TESMIN: variants seen among roughly 807,000 people sequenced by gnomAD.
The protein encoded by TESMIN is testis expressed metallothionein like protein.
In TESMIN, 34 loss-of-function variants were observed where a neutral mutation model predicts 47.4. That is an observed-to-expected ratio of 0.72 (90% CI 0.55 to 0.96). The LOEUF is 0.96. Ranked by LOEUF, TESMIN falls within the 40% of genes least tolerant of loss-of-function variation. The probability of loss-of-function intolerance (pLI) is 0.00; values close to 1 mark genes in which losing one functional copy is unlikely to be tolerated. For synonymous variants in TESMIN, 278 were observed against 258.9 expected, an observed-to-expected ratio of 1.07 and a Z score of -0.71; for missense variants, 610 against 637.2, an observed-to-expected ratio of 0.96 and a Z score of 0.46.
chr11:68,718,455 G>A (rs7119030), intron 6 of TESMIN, among the ~76,000 whole-genome samples: 3 of 152,162 alleles, frequency 2.0e-5, no homozygotes, highest in African/African-American at 7.2e-5. Flanking sequence ...GACCTAGAAG[G>A]TATGAAAACT....
rs1462087715 is a variant in TESMIN, at chr11:68,750,297, C to A, written c.364G>T (p.Val122Leu). ...GGTAGCAGCGAGGACAGGAAGTGCA[C>A]GTTGCAGGCGGGCGGCTGCGGGGCC... ...LQAPQPPACN[V>L]HFLSSLLPAH... is the part of the protein sequence containing the mutation. The change falls in exon 2 of 10, where the codon GTG becomes TTG. Residue 122 changes from valine to leucine, a missense_variant. Physicochemically the swap from Val to Leu is conservative, Grantham distance 32. Coordinates refer to ENST00000255087, the MANE Select transcript of TESMIN (RefSeq NM_004923.3). 1 of 1,542,940 alleles carries A rather than the reference C, an allele frequency of 6.5e-7. No individual in the cohort carries two copies. Among genetic ancestry groups the A allele is most frequent in the East Asian group, 2.4e-5 (1 of 41,806 alleles).
chr11:68,717,498 T>G (rs1281551252), intron 6 of TESMIN, among the ~76,000 whole-genome samples: 1 of 152,114 alleles, frequency 6.6e-6, no homozygotes, highest in Non-Finnish European at 1.5e-5. Context: ...AGGGGAACTA[T>G]AGAGGTCTCT....
rs745368206 is a variant in TESMIN at position 68,750,663 on chromosome 11, C to A, written c.-3G>T. 4.6e-6 allele frequency: 7 copies of A among 1,511,702 alleles called. No homozygotes were observed. In the South Asian group the frequency reaches 8.8e-5, roughly 19 times the overall value. 93.6% of individuals were successfully genotyped at this position (1,511,702 alleles called of 1,614,324 possible). ...CCCGGCAGAGGGCCCTCCTCCATGG[C>A]GCAGGGCGGCGGGGCGGGATGGCGG... On this transcript the variant is annotated 5_prime_UTR_variant, in exon 2 of 10. Coordinates refer to ENST00000255087, the MANE Select transcript of TESMIN (RefSeq NM_004923.3).
At chr11:68,735,533 T>C (rs1946377527) in intron 6 of TESMIN, among the ~76,000 whole-genome samples, 1 of 152,180 alleles carries the variant, frequency 6.6e-6, no homozygotes, top group Non-Finnish European at 1.5e-5. Flanking sequence ...AGGATAACTA[T>C]CTGTTTAATA....
rs142578378 is a variant in TESMIN at position 68,715,923 on chromosome 11, C to A, written c.934G>T (p.Ala312Ser). 57 of 1,611,036 alleles carry A rather than the reference C, an allele frequency of 3.5e-5. No individual in the cohort carries two copies. Among genetic ancestry groups the A allele is most frequent in the Admixed American group, 5.0e-5 (3 of 59,998 alleles). The change falls in exon 7 of 10, where the codon GCC (alanine) becomes TCC (serine). Residue 312 changes from alanine to serine, a missense_variant. Transcript: ENST00000255087. ...CAGTTGTTGCAAAAGTCCCCACTGGCAAAGCAGTCACAGTACCTGTGAAGG... is the reference window on the plus strand; with the variant it reads ...CAGTTGTTGCAAAAGTCCCCACTGGAAAAGCAGTCACAGTACCTGTGAAGG... ...ITLAGYCDCF[A>S]SGDFCNNCNC...
chr11:68,743,234 CTTTTTTTT>C (rs57435562), intron 4 of TESMIN, among the ~76,000 whole-genome samples: 3 of 123,060 alleles, frequency 2.4e-5, no homozygotes, highest in African/African-American at 9.1e-5. Context: ...ACAGGAACTA[CTTTTTTTT>C]TTTTTTTTTT....
At chr11:68,735,770 G>C (rs567212304) in intron 6 of TESMIN, among the ~76,000 whole-genome samples, 1 of 152,334 alleles carries the variant, frequency 6.6e-6, no homozygotes, top group South Asian at 2.1e-4. Flanking sequence ...AGCATAGTTC[G>C]GCACAGATGG....
rs532991359 is a variant in TESMIN at position 68,734,154 on chromosome 11, C to T, written c.917+4546G>A. Among the ~76,000 whole-genome samples the T allele has an allele frequency of 3.3e-5, 5 of 152,300 alleles. No individual in the cohort carries two copies. In the East Asian group the frequency reaches 7.7e-4, roughly 23 times the overall value. On this transcript the variant is annotated intron_variant, in intron 6 of 9. Coordinates refer to ENST00000255087, the MANE Select transcript of TESMIN (RefSeq NM_004923.3). ...GATATACCAGTGCTAAAGCAGTCCA[C>T]GCTGTAATATTACTAACAATATCAA...
At chr11:68,740,435 GT>G (rs1183419320) in intron 5 of TESMIN, among the ~76,000 whole-genome samples, 1 of 152,204 alleles carries the variant, frequency 6.6e-6, no homozygotes, top group Non-Finnish European at 1.5e-5. Flanking sequence ...GTGGGGGAAG[GT>G]GGGGAGACAG....
At chr11:68,741,140 A>T (rs1375119200) in intron 5 of TESMIN, among the ~76,000 whole-genome samples, 1 of 152,030 alleles carries the variant, frequency 6.6e-6, no homozygotes, top group Non-Finnish European at 1.5e-5. Context: ...GATTATTGCC[A>T]TAACAGGCTC....
intron 6 of TESMIN, chr11:68,733,648 A>C (rs761556457): frequency 7.9e-5 from 12 of 152,234 alleles, no homozygotes; most frequent in Non-Finnish European, 1.6e-4. Context: ...ATTTGTGATT[A>C]CTTACAATTT....
intron 3 of TESMIN, among the ~76,000 whole-genome samples, chr11:68,745,618 A>G (rs983510942): frequency 1.3e-5 from 2 of 152,240 alleles, no homozygotes; most frequent in African/African-American, 4.8e-5. Flanking sequence ...CCTGCCACAC[A>G]CATGTCATTA....
chr11:68,727,624 CA>C (rs1364772526), intron 6 of TESMIN, among the ~76,000 whole-genome samples: 1 of 152,174 alleles, frequency 6.6e-6, no homozygotes, highest in Non-Finnish European at 1.5e-5. Flanking sequence ...AGGCAAACCT[CA>C]TTTTATTGCA....
intron 7 of TESMIN, among the ~76,000 whole-genome samples, chr11:68,715,053 A>G (rs1363306114): frequency 6.6e-6 from 1 of 152,220 alleles, no homozygotes; most frequent in Non-Finnish European, 1.5e-5. Flanking sequence ...ATAATTCAAG[A>G]GGAGAATTAA....
chr11:68,730,391 G>A (rs922327568), intron 6 of TESMIN, among the ~76,000 whole-genome samples: 1 of 152,072 alleles, frequency 6.6e-6, no homozygotes, highest in Non-Finnish European at 1.5e-5. Flanking sequence ...TTTTTAAGTT[G>A]TATATTTTAC....
chr11:68,715,318 C>A (rs922570213), intron 7 of TESMIN, among the ~76,000 whole-genome samples: 1 of 152,160 alleles, frequency 6.6e-6, no homozygotes, highest in Non-Finnish European at 1.5e-5. Flanking sequence ...GAGTGGCCAT[C>A]GGGGGCATCA....
At chr11:68,712,892 G>C (rs546777012) in intron 8 of TESMIN, among the ~76,000 whole-genome samples, 2 of 152,334 alleles carry the variant, frequency 1.3e-5, no homozygotes, top group East Asian at 3.9e-4. Context: ...GCCCCACCTA[G>C]AGCACCTGGG....
At chr11:68,745,798 C>T (rs369566941) in intron 3 of TESMIN, among the ~76,000 whole-genome samples, 22 of 152,290 alleles carry the variant, frequency 1.4e-4, no homozygotes, top group East Asian at 1.2e-3. Flanking sequence ...GGTCGCAAGC[C>T]GGGTGGGTCT....
chr11:68,744,725 C>A, intron 4 of TESMIN: 1 of 269,266 alleles, frequency 3.7e-6, no homozygotes, highest in Non-Finnish European at 6.9e-6. Context: ...CGGTCTGAGT[C>A]ATCACCTGTT....
Sources: allele counts gnomAD v4.1 joint callset (sites outside exome capture counted in the v4.1 genomes callset), GRCh38; gene constraint gnomAD v4.1.1; transcripts MANE v1.5; gene names NCBI Gene and HGNC (gene_info 2026-07-23, HGNC 2026-07-21).